CSMD1: variants seen among roughly 807,000 people sequenced by gnomAD.
CSMD1 encodes CUB and Sushi multiple domains 1.
In CSMD1, 213 loss-of-function variants were observed where a neutral mutation model predicts 417.5. The ratio of observed to expected loss-of-function variants is 0.51; its 90% CI spans 0.46 to 0.57. The LOEUF (loss-of-function observed/expected upper bound fraction) is 0.57, where lower values mean the gene tolerates loss of function less well. Among genes scored for constraint, CSMD1 ranks in the 20% least tolerant of loss-of-function variants. The probability of loss-of-function intolerance (pLI) is 0.00; values close to 1 mark genes in which losing one functional copy is unlikely to be tolerated. For synonymous variants in CSMD1, 2,862 were observed against 1,736.8 expected, an observed-to-expected ratio of 1.65 and a Z score of -16.11; for missense variants, 6,923 against 4,529.7, an observed-to-expected ratio of 1.53 and a Z score of -15.17.
At chr8:3,298,743 C>A (rs553016695) in intron 25 of CSMD1, among the ~76,000 whole-genome samples, 39 of 152,322 alleles carry the variant, frequency 2.6e-4, no homozygotes, top group African/African-American at 7.7e-4. Flanking sequence ...CGTAAGCCAT[C>A]GTGCCCGACA....
At chr8:4,201,880 G>A (rs1799666941) in intron 3 of CSMD1, among the ~76,000 whole-genome samples, 1 of 30,648 alleles carries the variant, frequency 3.3e-5, no homozygotes, top group African/African-American at 7.0e-5. Flanking sequence ...ATTATACATG[G>A]AAATTTTGGG....
chr8:3,964,172 C>G (rs1163941165), intron 5 of CSMD1, among the ~76,000 whole-genome samples: 3 of 152,126 alleles, frequency 2.0e-5, no homozygotes, highest in African/African-American at 7.2e-5. Context: ...TTCATCTTAA[C>G]AAGTAAACAT....
intron 2 of CSMD1, among the ~76,000 whole-genome samples, chr8:4,635,482 T>C (rs1016946625): frequency 3.3e-5 from 5 of 152,190 alleles, no homozygotes; most frequent in African/African-American, 9.6e-5. Context: ...GTTTTCTATA[T>C]ATGAAAGAAC....
At chr8:3,327,459 G>A (rs1261269872) in intron 23 of CSMD1, among the ~76,000 whole-genome samples, 1 of 152,156 alleles carries the variant, frequency 6.6e-6, no homozygotes, top group Non-Finnish European at 1.5e-5. Flanking sequence ...TTATAGCACA[G>A]AAAATTCTGA....
chr8:4,598,146 TAA>T (rs1280015502), intron 2 of CSMD1, among the ~76,000 whole-genome samples: 2 of 152,116 alleles, frequency 1.3e-5, no homozygotes, highest in African/African-American at 4.8e-5. Context: ...CCCACTCCAA[TAA>T]AAAGTCAAGT....
At chr8:4,889,807 C>T (rs974256557) in intron 1 of CSMD1, among the ~76,000 whole-genome samples, 17 of 152,068 alleles carry the variant, frequency 1.1e-4, no homozygotes, top group Non-Finnish European at 2.1e-4. Context: ...TATGTTGAAA[C>T]TTGATGTGCA....
chr8:3,928,826 A>G (rs1014892974), intron 5 of CSMD1, among the ~76,000 whole-genome samples: 4 of 107,430 alleles, frequency 3.7e-5, no homozygotes, highest in African/African-American at 1.5e-4. Flanking sequence ...GATTCCACCT[A>G]CCCCAGGTCA....
intron 3 of CSMD1, among the ~76,000 whole-genome samples, chr8:4,169,922 C>T (rs989916318): frequency 1.3e-5 from 2 of 149,842 alleles, no homozygotes; most frequent in Non-Finnish European, 2.9e-5. Context: ...TATTATAGAA[C>T]GTAACTCAGA....
chr8:3,342,211 C>A (rs939648916), intron 23 of CSMD1, among the ~76,000 whole-genome samples: 2 of 152,140 alleles, frequency 1.3e-5, no homozygotes, highest in African/African-American at 4.8e-5. Flanking sequence ...TCTTACAATT[C>A]TTCACCTGTG....
intron 5 of CSMD1, among the ~76,000 whole-genome samples, chr8:3,953,411 T>C (rs56000216): frequency 0.016 from 2,469 of 152,156 alleles, 81 homozygotes; most frequent in African/African-American, 0.057. Context: ...GTGTAATGAG[T>C]ATATAGAATG....
intron 10 of CSMD1, among the ~76,000 whole-genome samples, chr8:3,500,984 G>A (rs933633430): frequency 2.6e-5 from 4 of 152,056 alleles, no homozygotes; most frequent in African/African-American, 9.7e-5. Flanking sequence ...GATTTTGCAG[G>A]AAAGAAATAT....
intron 3 of CSMD1, among the ~76,000 whole-genome samples, chr8:4,212,519 T>G (rs1367700283): frequency 6.6e-6 from 1 of 152,090 alleles, no homozygotes; most frequent in Non-Finnish European, 1.5e-5. Context: ...AGATTAGACA[T>G]TATAAAATTT....
chr8:3,490,039 T>C (rs192431374), intron 11 of CSMD1, among the ~76,000 whole-genome samples: 1 of 152,348 alleles, frequency 6.6e-6, no homozygotes, highest in East Asian at 1.9e-4. Context: ...TGTTTGCATA[T>C]AAGTACTCAA....
At chr8:3,725,746 A>T (rs1417487874) in intron 6 of CSMD1, among the ~76,000 whole-genome samples, 1 of 152,144 alleles carries the variant, frequency 6.6e-6, no homozygotes, top group Admixed American at 6.5e-5. Context: ...CTGTGTTGTT[A>T]GTGAGGGCAG....
At chr8:4,990,894 G>T (rs1811428781) in intron 1 of CSMD1, among the ~76,000 whole-genome samples, 1 of 152,150 alleles carries the variant, frequency 6.6e-6, no homozygotes, top group African/African-American at 2.4e-5. Context: ...GAGTTACAGG[G>T]TTTCTCTGGA....
intron 9 of CSMD1, among the ~76,000 whole-genome samples, chr8:3,580,858 A>G (rs1800353024): frequency 6.6e-6 from 1 of 152,226 alleles, no homozygotes; most frequent in African/African-American, 2.4e-5. Context: ...CTACAAGGGC[A>G]GAAAACACCA....
chr8:3,331,182 G>C (rs960588223), intron 23 of CSMD1, among the ~76,000 whole-genome samples: 1 of 149,002 alleles, frequency 6.7e-6, no homozygotes, highest in Non-Finnish European at 1.5e-5. Context: ...AGCTTGCAGT[G>C]AGCCGAGATC....
intron 64 of CSMD1, 95 bp from the exon 65 acceptor site, chr8:2,954,363 A>C (rs1802850563): frequency 1.4e-6 from 1 of 705,866 alleles, no homozygotes; most frequent in African/African-American, 1.8e-5. Flanking sequence ...TCCTTTCTCC[A>C]GATTTTTTTA....
chr8:4,591,663 A>T (rs2130733735), intron 2 of CSMD1, among the ~76,000 whole-genome samples: 1 of 152,342 alleles, frequency 6.6e-6, no homozygotes, highest in Middle Eastern at 3.4e-3. Flanking sequence ...TATGTAGGTC[A>T]GTGTCAGATT....
Sources: allele counts gnomAD v4.1 joint callset (sites outside exome capture counted in the v4.1 genomes callset), GRCh38; gene constraint gnomAD v4.1.1; transcripts MANE v1.5; gene names NCBI Gene and HGNC (gene_info 2026-07-23, HGNC 2026-07-21).